LOC128706666: variants seen among roughly 807,000 people sequenced by gnomAD.
chr20:10,424,950 G>A, the LOC128706666 span, among the ~76,000 whole-genome samples: 1 of 152,076 alleles, frequency 6.6e-6, no homozygotes, highest in African/African-American at 2.4e-5. Context: ...CTACTCGGGA[G>A]GCTGAGGCAG....
At chr20:10,418,686 T>A in the LOC128706666 span, among the ~76,000 whole-genome samples, 5 of 152,162 alleles carry the variant, frequency 3.3e-5, no homozygotes, top group Non-Finnish European at 5.9e-5. Context: ...CCAAGAGTAT[T>A]TCTTTTTGCA....
chr20:10,415,798 T>A, the LOC128706666 span, among the ~76,000 whole-genome samples: 1 of 152,270 alleles, frequency 6.6e-6, no homozygotes, highest in Non-Finnish European at 1.5e-5. Context: ...GAATGCCATG[T>A]TGGCACCTCT....
chr20:10,415,868 G>A, the LOC128706666 span, among the ~76,000 whole-genome samples: 1 of 152,108 alleles, frequency 6.6e-6, no homozygotes, highest in Non-Finnish European at 1.5e-5. Flanking sequence ...TCATTAAAAT[G>A]ACAAAGAAAT....
chr20:10,430,570 A>G, the LOC128706666 span, among the ~76,000 whole-genome samples: 3 of 152,238 alleles, frequency 2.0e-5, no homozygotes, highest in Non-Finnish European at 4.4e-5. Context: ...CCATAAAGGA[A>G]GGCCCACTTC....
the LOC128706666 span, among the ~76,000 whole-genome samples, chr20:10,415,541 G>A: frequency 6.6e-6 from 1 of 152,096 alleles, no homozygotes; most frequent in Non-Finnish European, 1.5e-5. Flanking sequence ...GGCATGAGGA[G>A]GGAAAGAAAA....
At chr20:10,413,855 C>A in the LOC128706666 span, 1 of 443,568 alleles carries the variant, frequency 2.3e-6, no homozygotes, top group Non-Finnish European at 4.0e-6. Context: ...CTACAAGAAG[C>A]CAGTTCTTTC....
At chr20:10,430,318 A>G in the LOC128706666 span, among the ~76,000 whole-genome samples, 1 of 152,188 alleles carries the variant, frequency 6.6e-6, no homozygotes, top group Non-Finnish European at 1.5e-5. Context: ...GTGGCCTTGG[A>G]TTAGTCACTT....
the LOC128706666 span, among the ~76,000 whole-genome samples, chr20:10,429,674 C>T: frequency 6.6e-6 from 1 of 152,196 alleles, no homozygotes; most frequent in Admixed American, 6.5e-5. Flanking sequence ...TGCTCCTCAT[C>T]AACTCACTCA....
the LOC128706666 span, among the ~76,000 whole-genome samples, chr20:10,419,457 T>C: frequency 6.6e-6 from 1 of 152,152 alleles, no homozygotes; most frequent in Non-Finnish European, 1.5e-5. Flanking sequence ...TCAATTTTCA[T>C]ATTAAGTGGA....
chr20:10,420,029 T>C, the LOC128706666 span, among the ~76,000 whole-genome samples: 1 of 152,190 alleles, frequency 6.6e-6, no homozygotes, highest in East Asian at 1.9e-4. Context: ...GAGAACTTTT[T>C]GAATTTTGGA....
the LOC128706666 span, among the ~76,000 whole-genome samples, chr20:10,419,952 A>T: frequency 1.2e-3 from 178 of 152,322 alleles, no homozygotes; most frequent in Non-Finnish European, 1.6e-4. Flanking sequence ...CTGCACTGCA[A>T]ATTGCCTCAT....
At chr20:10,418,917 A>G in the LOC128706666 span, among the ~76,000 whole-genome samples, 7 of 152,088 alleles carry the variant, frequency 4.6e-5, no homozygotes, top group Admixed American at 4.6e-4. Flanking sequence ...TATAAATACA[A>G]ATTTTATATA....
the LOC128706666 span, among the ~76,000 whole-genome samples, chr20:10,429,847 T>C: frequency 6.6e-6 from 1 of 152,300 alleles, no homozygotes; most frequent in East Asian, 1.9e-4. Context: ...GGGAATTTAC[T>C]AGAAATGCAA....
the LOC128706666 span, among the ~76,000 whole-genome samples, chr20:10,432,503 G>C: frequency 1.3e-5 from 2 of 152,136 alleles, no homozygotes; most frequent in Non-Finnish European, 2.9e-5. Context: ...TTTAAAAATT[G>C]TGTAGTAGGC....
the LOC128706666 span, among the ~76,000 whole-genome samples, chr20:10,427,898 G>A: frequency 1.3e-5 from 2 of 152,182 alleles, no homozygotes; most frequent in African/African-American, 4.8e-5. Flanking sequence ...AGGTCAGCTT[G>A]ACCTATATCC....
the LOC128706666 span, among the ~76,000 whole-genome samples, chr20:10,425,440 A>G: frequency 6.6e-6 from 1 of 152,224 alleles, no homozygotes; most frequent in Non-Finnish European, 1.5e-5. Flanking sequence ...GAATTAACAA[A>G]TTTCTTAAAA....
the LOC128706666 span, among the ~76,000 whole-genome samples, chr20:10,421,938 T>C: frequency 5.3e-5 from 8 of 152,206 alleles, no homozygotes; most frequent in South Asian, 2.1e-4. Context: ...AGACATGCTA[T>C]GAACTTGGCT....
the LOC128706666 span, chr20:10,431,870 T>C: frequency 2.2e-4 from 34 of 152,400 alleles, no homozygotes; most frequent in African/African-American, 7.9e-4. Flanking sequence ...TTAGTTCAGA[T>C]GTCACCTACT....
At chr20:10,423,168 G>A in the LOC128706666 span, among the ~76,000 whole-genome samples, 5 of 152,106 alleles carry the variant, frequency 3.3e-5, no homozygotes, top group Admixed American at 3.3e-4. Flanking sequence ...CAGGTGCAGT[G>A]GCTCACAAAA....
Sources: allele counts gnomAD v4.1 joint callset (sites outside exome capture counted in the v4.1 genomes callset), GRCh38; gene constraint gnomAD v4.1.1; transcripts MANE v1.5.